TMTC2: variants seen among roughly 807,000 people sequenced by gnomAD.
The protein encoded by TMTC2 is transmembrane O-mannosyltransferase targeting cadherins 2.
TMTC2 carries 43 observed loss-of-function variants against 82.4 expected under a neutral mutation model. That is an observed-to-expected ratio of 0.52 (90% CI 0.41 to 0.67). The LOEUF is 0.67. Ranked by LOEUF, TMTC2 falls within the 30% of genes least tolerant of loss-of-function variation. The pLI is 0.00. For missense variants in TMTC2, 919 were observed against 1,012.4 expected (o/e 0.91, Z 1.25); for synonymous variants, 408 against 381.9 (o/e 1.07, Z -0.80).
intron 4 of TMTC2, 91 bp downstream of exon 4, chr12:82,930,636 A>G (rs1875978133): frequency 1.4e-6 from 1 of 718,688 alleles, no homozygotes; most frequent in Non-Finnish European, 2.3e-6. Flanking sequence ...GGAGATGATG[A>G]TAGCTATTGT....
intron 1 of TMTC2, among the ~76,000 whole-genome samples, chr12:82,846,327 C>T (rs975725772): frequency 2.6e-5 from 4 of 151,952 alleles, no homozygotes; most frequent in Non-Finnish European, 5.9e-5. Flanking sequence ...GACTGCACTC[C>T]AGCCTGGGCA....
Position 82,874,945 on chromosome 12 carries a change from TA to T in TMTC2, c.654+17374del, listed in dbSNP as rs892604796. On this transcript the variant is annotated intron_variant, in intron 2 of 11. Coordinates refer to ENST00000321196, the MANE Select transcript of TMTC2 (RefSeq NM_152588.3). ...ATTATAGAGAAATTAAAAGAAAACC[TA>T]AAAAAAAATCGTTAAGTGCCATGCT... Among the ~76,000 whole-genome samples the T allele has an allele frequency of 1.3e-4, 19 of 151,614 alleles. 1 individual carries two copies. Among genetic ancestry groups the T allele is most frequent in the African/African-American group, 2.7e-4 (11 of 41,382 alleles).
intron 9 of TMTC2, among the ~76,000 whole-genome samples, chr12:83,039,442 A>G (rs562081296): frequency 6.6e-6 from 1 of 151,998 alleles, no homozygotes; most frequent in South Asian, 2.1e-4. Flanking sequence ...TATTTGATGA[A>G]TATATTATAT....
chr12:82,970,795 G>A (rs1483189275), intron 7 of TMTC2, among the ~76,000 whole-genome samples: 11 of 152,112 alleles, frequency 7.2e-5, no homozygotes, highest in South Asian at 2.1e-4. Context: ...ATCCTATTTG[G>A]AATTACTGTA....
chr12:82,731,336 T>A (rs1592883202), intron 1 of TMTC2, among the ~76,000 whole-genome samples: 1 of 152,120 alleles, frequency 6.6e-6, no homozygotes, highest in African/African-American at 2.4e-5. Context: ...GGCCCTGTGG[T>A]TTTAAGATTT....
intron 8 of TMTC2, among the ~76,000 whole-genome samples, chr12:83,011,804 T>C (rs1274271938): frequency 2.6e-5 from 4 of 152,250 alleles, no homozygotes; most frequent in South Asian, 2.1e-4. Context: ...AGGCTTCTTA[T>C]TGCATATGAA....
At chr12:82,693,968 CAAAAAAAAAAA>C (rs1005660355) in intron 1 of TMTC2, among the ~76,000 whole-genome samples, 15 of 41,454 alleles carry the variant, frequency 3.6e-4, no homozygotes, top group South Asian at 9.6e-4. Context: ...AACTCCATCT[CAAAAAAAAAAA>C]AAAAAAAAAA....
rs150647860 is a variant in TMTC2, at chr12:83,089,175, C to G, written c.2331+27344C>G. ...TGGTTTCACTTCAAGATGGCATCAC[C>G]CTTGCCAGGCAATAGGCTGTTTTCC... On this transcript the variant is annotated intron_variant, in intron 11 of 11. Coordinates refer to ENST00000321196, the MANE Select transcript of TMTC2 (RefSeq NM_152588.3). Among the ~76,000 whole-genome samples the G allele has an allele frequency of 1.5e-3, 230 of 152,290 alleles. 2 individuals are homozygous for G. Among genetic ancestry groups the G allele is most frequent in the African/African-American group, 5.1e-3 (213 of 41,550 alleles).
chr12:83,051,495 AACT>A (rs2137457714), intron 10 of TMTC2, among the ~76,000 whole-genome samples: 1 of 152,204 alleles, frequency 6.6e-6, no homozygotes, highest in South Asian at 2.1e-4. Context: ...TCCCTCTAAA[AACT>A]ACTAGTCATA....
intron 1 of TMTC2, among the ~76,000 whole-genome samples, chr12:82,785,796 A>G (rs1357754096): frequency 6.6e-6 from 1 of 152,118 alleles, no homozygotes; most frequent in African/African-American, 2.4e-5. Context: ...TCTAGAGACC[A>G]TGATTCAGAG....
At chr12:82,878,400 T>C (rs1291039630) in intron 2 of TMTC2, among the ~76,000 whole-genome samples, 1 of 152,178 alleles carries the variant, frequency 6.6e-6, no homozygotes, top group Non-Finnish European at 1.5e-5. Context: ...TGGTGAACTT[T>C]GAGAAAGCAG....
chr12:82,905,737 G>T (rs564325573), intron 3 of TMTC2, among the ~76,000 whole-genome samples: 1 of 152,086 alleles, frequency 6.6e-6, no homozygotes, highest in Non-Finnish European at 1.5e-5. Flanking sequence ...CTGAGGTCAG[G>T]AGTTCAAGAC....
At chr12:83,004,515 CCTTT>C (rs1880066270) in intron 8 of TMTC2, among the ~76,000 whole-genome samples, 1 of 151,894 alleles carries the variant, frequency 6.6e-6, no homozygotes, top group Non-Finnish European at 1.5e-5. Context: ...GGCTGGTGTT[CCTTT>C]ATCTGTTTTA....
At chr12:83,119,247 G>A (rs937265307) in intron 11 of TMTC2, among the ~76,000 whole-genome samples, 21 of 152,080 alleles carry the variant, frequency 1.4e-4, no homozygotes, top group African/African-American at 3.6e-4. Context: ...TTGTCTGCCT[G>A]TGCTCTTTCA....
At chr12:82,823,785 C>A (rs1357440734) in intron 1 of TMTC2, among the ~76,000 whole-genome samples, 2 of 151,942 alleles carry the variant, frequency 1.3e-5, no homozygotes, top group Non-Finnish European at 2.9e-5. Context: ...AGTCCTAAAT[C>A]TCTTCTGTAC....
intron 9 of TMTC2, among the ~76,000 whole-genome samples, chr12:83,046,134 G>A (rs1013560089): frequency 9.2e-5 from 14 of 151,944 alleles, no homozygotes; most frequent in Non-Finnish European, 1.8e-4. Flanking sequence ...CCCCTCTGTC[G>A]AATTCATTCT....
At chr12:82,845,930 GT>G (rs1318455426) in intron 1 of TMTC2, among the ~76,000 whole-genome samples, 1 of 136,610 alleles carries the variant, frequency 7.3e-6, no homozygotes, top group East Asian at 2.0e-4. Context: ...GGGTCACAGT[GT>G]TTTTTGTGTT....
In TMTC2 at chr12:82,955,737, T is replaced by C. The variant is rs183503764; in HGVS notation, c.1599-9287T>C. ...TTTGACCAAAACAAATACTGATTATTTCTCTTTCCCCAATTATTTTTTCAT... is the reference window on the plus strand; with the variant it reads ...TTTGACCAAAACAAATACTGATTATCTCTCTTTCCCCAATTATTTTTTCAT... On this transcript the variant is annotated intron_variant, in intron 4 of 11. Transcript: ENST00000321196. 7.9e-5 allele frequency among the ~76,000 whole-genome samples: 12 copies of C among 152,298 alleles called. No individual in the cohort carries two copies. In the East Asian group the frequency reaches 2.3e-3, roughly 29 times the overall value.
intron 8 of TMTC2, among the ~76,000 whole-genome samples, chr12:83,007,795 T>A (rs538233433): frequency 1.7e-3 from 266 of 152,326 alleles, no homozygotes; most frequent in African/African-American, 6.1e-3. Flanking sequence ...TCTTGTAGGA[T>A]TTCTTATGGG....
Sources: allele counts gnomAD v4.1 joint callset (sites outside exome capture counted in the v4.1 genomes callset), GRCh38; gene constraint gnomAD v4.1.1; transcripts MANE v1.5; gene names NCBI Gene and HGNC (gene_info 2026-07-23, HGNC 2026-07-21).